AP4E1: variants seen among roughly 807,000 people sequenced by gnomAD.
The protein encoded by AP4E1 is adaptor related protein complex 4 subunit epsilon 1, also known as AP-4 complex subunit epsilon-1.
In AP4E1, 56 loss-of-function variants were observed where a neutral mutation model predicts 128.2. The ratio of observed to expected loss-of-function variants is 0.44; its 90% CI spans 0.35 to 0.55. The LOEUF (loss-of-function observed/expected upper bound fraction) is 0.55, where lower values mean the gene tolerates loss of function less well. AP4E1 is among the 20% of genes least tolerant of loss of function. The pLI is 0.00. For missense variants in AP4E1, 1,324 were observed against 1,307.7 expected, an observed-to-expected ratio of 1.01 and a Z score of -0.19; for synonymous variants, 484 against 473.1, an observed-to-expected ratio of 1.02 and a Z score of -0.30.
intron 16 of AP4E1, among the ~76,000 whole-genome samples, chr15:50,989,774 A>G (rs531407081): frequency 2.9e-4 from 44 of 152,292 alleles, no homozygotes; most frequent in African/African-American, 9.9e-4. Flanking sequence ...AATGCCATAC[A>G]TATACATCTA....
intron 15 of AP4E1, among the ~76,000 whole-genome samples, chr15:50,979,712 G>T (rs925452105): frequency 1.3e-5 from 2 of 151,892 alleles, no homozygotes; most frequent in African/African-American, 4.8e-5. Context: ...TTTAGTAGAG[G>T]CAGGGTTTCA....
intron 16 of AP4E1, among the ~76,000 whole-genome samples, chr15:50,986,632 C>G (rs1258086290): frequency 1.3e-5 from 2 of 152,168 alleles, no homozygotes; most frequent in South Asian, 2.1e-4. Flanking sequence ...GTATATTGAA[C>G]CAGCCTTGCA....
At chr15:50,937,755 G>A (rs530937660) in intron 8 of AP4E1, among the ~76,000 whole-genome samples, 39 of 152,214 alleles carry the variant, frequency 2.6e-4, no homozygotes, top group South Asian at 4.1e-4. Context: ...CATGAGAGAA[G>A]GTGTAGACAT....
rs1381460406 is a variant in AP4E1, at chr15:50,958,793, T to C, written c.1850T>C (p.Val617Ala). 6.2e-7 allele frequency: 1 copy of C among 1,614,078 alleles called. No individual in the cohort carries two copies. Among genetic ancestry groups the C allele is most frequent in the Non-Finnish European group, 8.5e-7 (1 of 1,179,972 alleles). Residue 617 changes from valine to alanine, a missense_variant and splice_region_variant, in exon 14 of 21, where the codon GTG becomes GCG. Transcript: ENST00000261842. ...LPVDRSCEDL[V>A]VDASLSFLDG... The stretch of plus-strand genomic sequence containing the variant: ...GTTGACAGGAGTTGTGAAGACTTGG[T>C]GGTAAGACATTGGTGTTCCATCTTT...
chr15:50,984,000 T>C, intron 15 of AP4E1, 22 bp from the exon 16 acceptor site: 4 of 1,609,838 alleles, frequency 2.5e-6, no homozygotes, highest in Non-Finnish European at 3.4e-6. Context: ...TATGAACCTC[T>C]GTTATTATTT....
chr15:50,918,301 A>T (rs2063653953), intron 3 of AP4E1, among the ~76,000 whole-genome samples: 2 of 152,038 alleles, frequency 1.3e-5, no homozygotes. Flanking sequence ...CTGTTTAAAT[A>T]TTGCATGGGT....
chr15:50,965,032 G>C (rs2064370656), intron 14 of AP4E1, among the ~76,000 whole-genome samples: 1 of 148,846 alleles, frequency 6.7e-6, no homozygotes, highest in African/African-American at 2.5e-5. Context: ...CATGTGATGT[G>C]CTTGCTTCTG....
intron 3 of AP4E1, among the ~76,000 whole-genome samples, chr15:50,919,578 GTAAA>G (rs1567210173): frequency 1.2e-4 from 17 of 141,802 alleles, no homozygotes; most frequent in Admixed American, 4.9e-4. Flanking sequence ...AAATAAATAA[GTAAA>G]TAAATTATGC....
At chr15:50,932,492 C>T (rs2063848516) in intron 7 of AP4E1, among the ~76,000 whole-genome samples, 1 of 152,014 alleles carries the variant, frequency 6.6e-6, no homozygotes, top group Non-Finnish European at 1.5e-5. Flanking sequence ...AGAGCAAGCC[C>T]CTTGAGATTT....
chr15:51,001,612 A>T (rs927984416), intron 20 of AP4E1, among the ~76,000 whole-genome samples: 1 of 152,130 alleles, frequency 6.6e-6, no homozygotes. Context: ...ATCATACAAT[A>T]CTTGTCCCTT....
At chr15:50,936,182 A>G (rs1395192009) in intron 8 of AP4E1, among the ~76,000 whole-genome samples, 1 of 152,196 alleles carries the variant, frequency 6.6e-6, no homozygotes, top group African/African-American at 2.4e-5. Flanking sequence ...AAGGGGTCAC[A>G]GATGTGGATG....
intron 15 of AP4E1, among the ~76,000 whole-genome samples, chr15:50,977,951 C>T (rs1192064266): frequency 6.6e-6 from 1 of 152,104 alleles, no homozygotes; most frequent in African/African-American, 2.4e-5. Flanking sequence ...TCAAGTGATC[C>T]TCCCTCTTCT....
At chr15:50,988,782 T>C (rs4775912) in intron 16 of AP4E1, among the ~76,000 whole-genome samples, 27,665 of 152,118 alleles carry the variant, frequency 0.18, 2,809 homozygotes, top group Admixed American at 0.28. Flanking sequence ...AATTGAACTA[T>C]TGTAAGTCAG....
rs2064282516 is a variant in AP4E1, at chr15:50,959,641, A to C, written c.1851+847A>C. Among the ~76,000 whole-genome samples the C allele has an allele frequency of 2.6e-5, 4 of 152,240 alleles. No homozygotes were observed. In the South Asian group the frequency reaches 8.3e-4, roughly 31 times the overall value. On this transcript the variant is annotated intron_variant, in intron 14 of 20. Coordinates refer to ENST00000261842, the MANE Select transcript of AP4E1 (RefSeq NM_007347.5). Reference sequence around the variant, plus strand: ...AAAGTATAAAACTCACTGGTAAGGCAGATACACAAATGAGAAACAGAAAGG... The same window carrying C: ...AAAGTATAAAACTCACTGGTAAGGCCGATACACAAATGAGAAACAGAAAGG...
intron 14 of AP4E1, among the ~76,000 whole-genome samples, chr15:50,962,021 AC>A (rs1273760582): frequency 3.3e-5 from 5 of 150,876 alleles, no homozygotes; most frequent in African/African-American, 7.3e-5. Context: ...ATAAATAAAT[AC>A]AATACAATAC....
intron 17 of AP4E1, among the ~76,000 whole-genome samples, chr15:50,994,274 T>G (rs1233708013): frequency 1.3e-5 from 2 of 152,154 alleles, no homozygotes; most frequent in Non-Finnish European, 2.9e-5. Context: ...CAAGTTGGAG[T>G]GAAGGACAGG....
chr15:50,993,693 A>G (rs2064833583), intron 17 of AP4E1, 68 bp downstream of exon 17: 3 of 1,595,130 alleles, frequency 1.9e-6, no homozygotes, highest in Admixed American at 1.7e-5. Flanking sequence ...CTGGCTCTAT[A>G]AAAGCTCCTG....
chr15:50,931,955 T>C (rs1403427071), intron 7 of AP4E1, among the ~76,000 whole-genome samples: 1 of 151,516 alleles, frequency 6.6e-6, no homozygotes, highest in Non-Finnish European at 1.5e-5. Flanking sequence ...TTTCCAACTA[T>C]ATATATATAT....
At chr15:50,997,255 A>C in intron 17 of AP4E1, 71 bp from the exon 18 acceptor site, 1 of 1,320,978 alleles carries the variant, frequency 7.6e-7, no homozygotes, top group Non-Finnish European at 1.0e-6. Context: ...ATTTGAAATT[A>C]TAGATGAATG....
Sources: gnomAD v4.1 joint callset for allele counts (sites outside exome capture counted in the v4.1 genomes callset) on GRCh38, gnomAD v4.1.1 for gene constraint, MANE v1.5 for transcripts, NCBI Gene and HGNC (gene_info 2026-07-23, HGNC 2026-07-21) for gene names.